IRF5: variants seen among roughly 807,000 people sequenced by gnomAD.
The protein encoded by IRF5 is interferon regulatory factor 5.
In IRF5, 24 loss-of-function variants were observed where a neutral mutation model predicts 55.1. The ratio of observed to expected loss-of-function variants is 0.44; its 90% CI spans 0.32 to 0.61. IRF5 has a LOEUF of 0.61. IRF5 is among the 20% of genes least tolerant of loss of function. The pLI is 0.07. For missense variants in IRF5, 499 were observed against 658.5 expected (o/e 0.76, Z 2.65); for synonymous variants, 258 against 260.2 (o/e 0.99, Z 0.08).
chr7:128,943,137 G>T, intron 2 of IRF5: 1 of 227,394 alleles, frequency 4.4e-6, no homozygotes, highest in Non-Finnish European at 9.0e-6. Flanking sequence ...AGGCTCAGGT[G>T]AGTCTCCCAT....
chr7:128,944,517 T>C (rs769394880), intron 2 of IRF5, among the ~76,000 whole-genome samples: 6 of 152,208 alleles, frequency 3.9e-5, no homozygotes, highest in Non-Finnish European at 5.9e-5. Flanking sequence ...AAATTCAACA[T>C]TAAAAGGCAT....
chr7:128,943,141 C>T (rs961741765), intron 2 of IRF5: 5 of 226,376 alleles, frequency 2.2e-5, no homozygotes, highest in African/African-American at 5.0e-5. Context: ...TCAGGTGAGT[C>T]TCCCATCTCA....
At chr7:128,939,010 G>C (rs923564378) in intron 1 of IRF5, among the ~76,000 whole-genome samples, 36 of 150,236 alleles carry the variant, frequency 2.4e-4, no homozygotes, top group African/African-American at 8.3e-4. Context: ...CTGGCCCAGG[G>C]GGTGTGCCCC....
chr7:128,948,166 G>C lies in IRF5; in HGVS notation c.1181-44G>C. 6.2e-7 allele frequency: 1 copy of C among 1,611,704 alleles called. No individual in the cohort carries two copies. The highest frequency in any genetic ancestry group is 8.5e-7 in the Non-Finnish European group (1 of 1,178,242). The stretch of plus-strand genomic sequence containing the variant: ...ATCCTCCTGGCTGCCTCTTGCCCAG[G>C]GCATGGTTCCAGCCTCTGACTAGGG... On this transcript the variant is annotated intron_variant, in intron 7 of 8. Coordinates refer to ENST00000357234, the MANE Select transcript of IRF5 (RefSeq NM_001098629.3). The surrounding 1 kb of genome is among the most constrained non-coding windows in gnomAD (Gnocchi z 4.6).
chr7:128,940,372 C>T (rs75434450), intron 1 of IRF5: 7,827 of 152,392 alleles, frequency 0.051, 235 homozygotes, highest in Middle Eastern at 0.1. Flanking sequence ...CCTCTGTCCA[C>T]CCTTGCTCGG....
intron 2 of IRF5, among the ~76,000 whole-genome samples, chr7:128,943,745 AT>A (rs1238783037): frequency 4.2e-5 from 2 of 47,094 alleles, no homozygotes; most frequent in Non-Finnish European, 9.4e-5. Flanking sequence ...TTTTTTTTGT[AT>A]TTTTGGTAAA....
chr7:128,946,573 G>T lies in IRF5; in HGVS notation c.447+11G>T. 1 of 1,570,268 alleles carries T rather than the reference G, an allele frequency of 6.4e-7. No individual in the cohort carries two copies. The highest frequency in any genetic ancestry group is 1.1e-5 in the South Asian group (1 of 87,828). On this transcript the variant is annotated intron_variant, in intron 4 of 8. Coordinates refer to ENST00000357234, the MANE Select transcript of IRF5 (RefSeq NM_001098629.3). This position sits in a 1 kb window ranked among gnomAD's most constrained non-coding sequence, Gnocchi z 4.2. ...GAAGAAGAGGAAGAGGTGAGTGTGG[G>T]TTGAGGAGGCAGGTGGAGCCCTGGA...
At position 128,946,456 on chromosome 7, in the gene IRF5, A is replaced by G; in HGVS notation, c.386-45A>G. On this transcript the variant is annotated intron_variant, in intron 3 of 8. Coordinates refer to ENST00000357234, the MANE Select transcript of IRF5 (RefSeq NM_001098629.3). The surrounding 1 kb of genome is among the most constrained non-coding windows in gnomAD (Gnocchi z 4.2). ...CTCAGGGGATCTTGCTTCTCCTCCG[A>G]CATTGACTCCTTTACTGCCCTGCTT... The G allele has an allele frequency of 1.9e-6, 3 of 1,573,202 alleles. No individual in the cohort carries two copies. Among genetic ancestry groups the G allele is most frequent in the South Asian group, 1.2e-5 (1 of 85,654 alleles).
intron 2 of IRF5, among the ~76,000 whole-genome samples, chr7:128,943,518 G>A (rs190032177): frequency 1.3e-3 from 199 of 149,832 alleles, no homozygotes; most frequent in Non-Finnish European, 2.5e-3. Context: ...GTGACTACAG[G>A]TGCATGCCAC....
intron 1 of IRF5, chr7:128,940,973 C>T (rs1795988106): frequency 6.6e-6 from 1 of 152,426 alleles, no homozygotes; most frequent in Admixed American, 6.5e-5. Flanking sequence ...TTGCTCCTTA[C>T]TTGCTGACCG....
chr7:128,948,154 C>T lies in IRF5; in HGVS notation c.1180+33C>T. On this transcript the variant is annotated intron_variant, in intron 7 of 8. Transcript: ENST00000357234. The surrounding 1 kb of genome is among the most constrained non-coding windows in gnomAD (Gnocchi z 4.6). ...CCCAAAGCTGTGATCCTCCTGGCTG[C>T]CTCTTGCCCAGGGCATGGTTCCAGC... 1.2e-6 allele frequency: 2 copies of T among 1,611,602 alleles called. No individual in the cohort carries two copies. Among genetic ancestry groups the T allele is most frequent in the Admixed American group, 1.7e-5 (1 of 59,934 alleles).
chr7:128,946,174 G>A lies in IRF5; in HGVS notation c.385+140G>A. 2.4e-6 allele frequency: 2 copies of A among 820,452 alleles called. No individual in the cohort carries two copies. The highest frequency in any genetic ancestry group is 3.7e-6 in the Non-Finnish European group (2 of 541,504). The allele number at this position is 820,452 out of a possible 1,614,324, so 50.8% of individuals were successfully genotyped here. A position where few individuals can be genotyped will look rare whatever the true frequency, so the allele number is the denominator to read the frequency against. On this transcript the variant is annotated intron_variant, in intron 3 of 8. Transcript: ENST00000357234. This position sits in a 1 kb window ranked among gnomAD's most constrained non-coding sequence, Gnocchi z 4.2. ...GGAAACGATGCGGGGGCTCCCGCTA[G>A]GTCATGACACCCAGGGCTTCCAGGA...
chr7:128,947,464 T>G lies in IRF5; in HGVS notation c.716T>G (p.Leu239Arg). 1 of 1,611,266 alleles carries G rather than the reference T, an allele frequency of 6.2e-7. No homozygotes were observed. The highest frequency in any genetic ancestry group is 8.5e-7 in the Non-Finnish European group (1 of 1,179,324). The change falls in exon 6 of 9, where the codon CTG becomes CGG. Residue 239 changes from leucine (L) to arginine (R), a missense_variant. By Grantham distance (102) the Leu-to-Arg change is moderately radical. Transcript: ENST00000357234. This position sits in a 1 kb window ranked among gnomAD's most constrained non-coding sequence, Gnocchi z 6.5. ...TCTGAGGTCCTGGAGCCTGGGCCCC[T>G]GCCTGCCAGCCTGCCCCCTGCAGGC... ...LLSEVLEPGP[L>R]PASLPPAGEQ...
At position 128,947,441 on chromosome 7, in the gene IRF5, T is replaced by G. The variant is rs755035082; in HGVS notation, c.693T>G (p.Ser231=). The G allele has an allele frequency of 3.5e-5, 57 of 1,611,896 alleles. No homozygotes were observed. Among genetic ancestry groups the G allele is most frequent in the Admixed American group, 2.7e-4 (16 of 59,874 alleles). ...CTGCTGGCTTCAGGGAGCTTCTCTC[T>G]GAGGTCCTGGAGCCTGGGCCCCTGC... ...GNPAGFRELL[S]EVLEPGPLPA... is the part of the protein sequence containing the mutation. The change falls in exon 6 of 9, where the codon TCT becomes TCG. Residue 231 remains serine, a synonymous_variant. Transcript: ENST00000357234. This position sits in a 1 kb window ranked among gnomAD's most constrained non-coding sequence, Gnocchi z 6.5.
intron 2 of IRF5, among the ~76,000 whole-genome samples, chr7:128,943,835 C>T (rs767737506): frequency 2.7e-4 from 39 of 143,420 alleles, no homozygotes; most frequent in Admixed American, 3.0e-4. Context: ...TCCCAAAGTG[C>T]TGGGATTACA....
chr7:128,947,408 T>C lies in IRF5; in HGVS notation c.660T>C (p.Pro220=). 1 of 1,610,936 alleles carries C rather than the reference T, an allele frequency of 6.2e-7. No homozygotes were observed. The highest frequency in any genetic ancestry group is 8.5e-7 in the Non-Finnish European group (1 of 1,179,032). The change falls in exon 6 of 9, where the codon CCT becomes CCC. Residue 220 remains proline, a synonymous_variant. Coordinates refer to ENST00000357234, the MANE Select transcript of IRF5 (RefSeq NM_001098629.3). This position sits in a 1 kb window ranked among gnomAD's most constrained non-coding sequence, Gnocchi z 6.5. ...APDPSPLAPP[P]GNPAGFRELL... Reference sequence around the variant, plus strand: ...ACCCCAGCCCCCTGGCTCCTCCCCCTGGCAACCCTGCTGGCTTCAGGGAGC... The same window carrying C: ...ACCCCAGCCCCCTGGCTCCTCCCCCCGGCAACCCTGCTGGCTTCAGGGAGC...
intron 2 of IRF5, 92 bp from the exon 3 acceptor site, chr7:128,945,753 C>T (rs1284080701): frequency 8.5e-6 from 11 of 1,295,594 alleles, no homozygotes; most frequent in South Asian, 1.4e-5. Flanking sequence ...GAAGTTCTCC[C>T]CACACAGTAG....
In IRF5 at chr7:128,949,535, T is replaced by TG. The variant is rs1364309818; in HGVS notation, c.*720dup. On this transcript the variant is annotated 3_prime_UTR_variant, in exon 9 of 9. Coordinates refer to ENST00000357234, the MANE Select transcript of IRF5 (RefSeq NM_001098629.3). Reference sequence around the variant, plus strand: ...TGGGAGGGCCTGGCTTCTGGGCTGATGGGTCAGTTGGGCCTTCATAAACAC... The same window carrying TG: ...TGGGAGGGCCTGGCTTCTGGGCTGATGGGGTCAGTTGGGCCTTCATAAACAC... 1 of 152,156 alleles carries TG rather than the reference T, an allele frequency of 6.6e-6. No individual in the cohort carries two copies. The highest frequency in any genetic ancestry group is 1.5e-5 in the Non-Finnish European group (1 of 68,054). 9.4% of individuals were successfully genotyped at this position (152,156 alleles called of 1,614,324 possible). A position where few individuals can be genotyped will look rare whatever the true frequency, so the allele number is the denominator to read the frequency against.
At position 128,946,476 on chromosome 7, in the gene IRF5, C is replaced by A; in HGVS notation, c.386-25C>A. ...CTCCGACATTGACTCCTTTACTGCC[C>A]TGCTTTTCTCTCCCTGCTGTGCAGA... On this transcript the variant is annotated intron_variant, in intron 3 of 8. Coordinates refer to ENST00000357234, the MANE Select transcript of IRF5 (RefSeq NM_001098629.3). This position sits in a 1 kb window ranked among gnomAD's most constrained non-coding sequence, Gnocchi z 4.2. 6.3e-7 allele frequency: 1 copy of A among 1,593,064 alleles called. No homozygotes were observed. Among genetic ancestry groups the A allele is most frequent in the African/African-American group, 1.3e-5 (1 of 74,850 alleles).
Sources: allele counts gnomAD v4.1 joint callset (sites outside exome capture counted in the v4.1 genomes callset), GRCh38; gene constraint gnomAD v4.1.1; non-coding constraint Gnocchi (gnomAD v3.1); transcripts MANE v1.5; gene names NCBI Gene and HGNC (gene_info 2026-07-23, HGNC 2026-07-21).